Variants in CDC25C observed in about 807,000 individuals in gnomAD.
CDC25C encodes the protein M-phase inducer phosphatase 3.
CDC25C carries 48 observed loss-of-function variants against 52.5 expected under a neutral mutation model. The observed-to-expected ratio is 0.91, with a 90% confidence interval of 0.72 to 1.16. The LOEUF (loss-of-function observed/expected upper bound fraction) is 1.16. Among genes scored for constraint, CDC25C ranks in the 50% most tolerant of loss-of-function variants. The pLI is 0.00. For missense variants in CDC25C, 510 were observed against 566.1 expected (o/e 0.90, Z 1.01); for synonymous variants, 187 against 206.5 (o/e 0.91, Z 0.81).
chr5:138,294,840 G>T (rs1355262871), intron 7 of CDC25C, among the ~76,000 whole-genome samples: 1 of 150,918 alleles, frequency 6.6e-6, no homozygotes, highest in Non-Finnish European at 1.5e-5. Context: ...GTAGAGATGG[G>T]GTTTCACCAT....
chr5:138,292,135 C>T lies in CDC25C; in HGVS notation c.616-19G>A. 1.2e-6 allele frequency: 2 copies of T among 1,602,640 alleles called. No individual in the cohort carries two copies. Among genetic ancestry groups the T allele is most frequent in the East Asian group, 2.3e-5 (1 of 44,408 alleles). ...TGCTCACCTGTTTGGGAATATTAAA[C>T]CCCCTAGTTCTTACTCCTCCAAGTG... On this transcript the variant is annotated intron_variant, in intron 7 of 13. Transcript: ENST00000323760.
At chr5:138,325,540 T>C (rs2126821549) in intron 6 of CDC25C, among the ~76,000 whole-genome samples, 1 of 152,290 alleles carries the variant, frequency 6.6e-6, no homozygotes, top group South Asian at 2.1e-4. Flanking sequence ...CTAAATCCCT[T>C]ACACTACAGT....
rs549326149 is a variant in CDC25C at position 138,291,119 on chromosome 5, T to C, written c.763-379A>G. Among the ~76,000 whole-genome samples the C allele has an allele frequency of 4.6e-5, 7 of 152,194 alleles. No homozygotes were observed. The East Asian group carries it at 1.3e-3, about 29-fold the overall frequency. ...AAAATATCCAAAGATTTTAGAATTTTAATTTTTTATTTTATTTTTTTTTAT... is the reference window on the plus strand; with the variant it reads ...AAAATATCCAAAGATTTTAGAATTTCAATTTTTTATTTTATTTTTTTTTAT... On this transcript the variant is annotated intron_variant, in intron 8 of 13. Transcript: ENST00000323760.
At chr5:138,337,812 C>A in intron 1 of CDC25C, 1 of 457,634 alleles carries the variant, frequency 2.2e-6, no homozygotes, top group Non-Finnish European at 3.8e-6. Context: ...AAGGGGGATT[C>A]CTTCGAAGAG....
At chr5:138,317,161 G>A (rs914189924) in intron 7 of CDC25C, among the ~76,000 whole-genome samples, 1 of 152,032 alleles carries the variant, frequency 6.6e-6, no homozygotes, top group African/African-American at 2.4e-5. Context: ...AGGCTGAGGT[G>A]GGAGGATTAC....
At chr5:138,305,945 G>A (rs935654140) in intron 7 of CDC25C, among the ~76,000 whole-genome samples, 2 of 152,184 alleles carry the variant, frequency 1.3e-5, no homozygotes, top group African/African-American at 4.8e-5. Context: ...CTGCATCACA[G>A]TAGAGAATAT....
intron 4 of CDC25C, among the ~76,000 whole-genome samples, chr5:138,327,572 G>A (rs894718764): frequency 1.3e-5 from 2 of 151,882 alleles, no homozygotes; most frequent in Non-Finnish European, 2.9e-5. Context: ...GGGAGGCAGA[G>A]GTTGCAGTAA....
chr5:138,336,880 G>C (rs907964853), intron 1 of CDC25C: 1 of 151,984 alleles, frequency 6.6e-6, no homozygotes, highest in African/African-American at 2.4e-5. Context: ...TCAGTTTGTA[G>C]ACTTGGTGGC....
At chr5:138,302,450 AG>A (rs1490011161) in intron 7 of CDC25C, among the ~76,000 whole-genome samples, 2 of 151,878 alleles carry the variant, frequency 1.3e-5, no homozygotes, top group Non-Finnish European at 2.9e-5. Context: ...CTGTAATCCC[AG>A]CACTTTGGGA....
At chr5:138,327,893 G>A (rs1403986199) in intron 4 of CDC25C, among the ~76,000 whole-genome samples, 3 of 150,660 alleles carry the variant, frequency 2.0e-5, no homozygotes, top group Non-Finnish European at 4.4e-5. Context: ...CTGAGACGGA[G>A]TCTCGCTCTG....
At chr5:138,328,380 C>T (rs947137027) in intron 4 of CDC25C, 104 bp downstream of exon 4, 1 of 993,076 alleles carries the variant, frequency 1.0e-6, no homozygotes, top group Non-Finnish European at 1.6e-6. Flanking sequence ...CCACTTATAC[C>T]CAGTATGAAA....
intron 8 of CDC25C, 133 bp downstream of exon 8, chr5:138,291,837 G>A: frequency 1.9e-6 from 1 of 517,454 alleles, no homozygotes; most frequent in South Asian, 3.8e-5. Flanking sequence ...CAGAAAGATG[G>A]AAAGAACAAA....
chr5:138,324,907 A>G (rs1759732515), intron 6 of CDC25C, among the ~76,000 whole-genome samples: 1 of 152,112 alleles, frequency 6.6e-6, no homozygotes, highest in African/African-American at 2.4e-5. Flanking sequence ...CGTCTCTACT[A>G]AAAACACAAA....
chr5:138,327,976 C>T (rs1484528000), intron 4 of CDC25C, among the ~76,000 whole-genome samples: 1 of 152,080 alleles, frequency 6.6e-6, no homozygotes, highest in African/African-American at 2.4e-5. Flanking sequence ...AAGTAATTCT[C>T]CTACCTCAAC....
At chr5:138,316,448 G>C (rs980309138) in intron 7 of CDC25C, among the ~76,000 whole-genome samples, 9 of 152,144 alleles carry the variant, frequency 5.9e-5, no homozygotes, top group Non-Finnish European at 1.5e-5. Context: ...TGAGCAGCCT[G>C]GTGCCATGGA....
At chr5:138,316,758 C>T (rs980423580) in intron 7 of CDC25C, among the ~76,000 whole-genome samples, 2 of 152,062 alleles carry the variant, frequency 1.3e-5, no homozygotes, top group Non-Finnish European at 2.9e-5. Context: ...ACAGGGAGGA[C>T]CTGCCTGCAG....
At chr5:138,285,891 C>T in intron 13 of CDC25C, 50 bp from the exon 14 acceptor site, 1 of 1,595,962 alleles carries the variant, frequency 6.3e-7, no homozygotes, top group South Asian at 1.1e-5. Context: ...CTGAACTCTA[C>T]CTATGAAGGA....
At chr5:138,299,813 A>G (rs72803816) in intron 7 of CDC25C, among the ~76,000 whole-genome samples, 21,937 of 151,922 alleles carry the variant, frequency 0.14, 1,848 homozygotes, top group South Asian at 0.23. Flanking sequence ...GAATAGAAAA[A>G]CAACAGAACC....
At chr5:138,287,542 G>A (rs963966670) in intron 10 of CDC25C, among the ~76,000 whole-genome samples, 1 of 152,220 alleles carries the variant, frequency 6.6e-6, no homozygotes, top group Non-Finnish European at 1.5e-5. Context: ...AGGCATGGCT[G>A]GACTCAGGAG....
Sources: allele counts gnomAD v4.1 joint callset (sites outside exome capture counted in the v4.1 genomes callset), GRCh38; gene constraint gnomAD v4.1.1; transcripts MANE v1.5; gene names NCBI Gene and HGNC (gene_info 2026-07-23, HGNC 2026-07-21).